SYCE3: variants seen among roughly 807,000 people sequenced by gnomAD.
SYCE3 encodes the protein synaptonemal complex central element protein 3, also known as testis highly expressed gene 2 protein.
A neutral mutation model predicts 8.1 loss-of-function variants in SYCE3; 3 were observed. That is an observed-to-expected ratio of 0.37 (90% CI 0.17 to 0.96). The LOEUF is 0.96. Ranked by LOEUF, SYCE3 falls within the 40% of genes least tolerant of loss-of-function variation. The pLI is 0.41. For synonymous variants in SYCE3, 36 were observed against 38.7 expected, an observed-to-expected ratio of 0.93 and a Z score of 0.26; for missense variants, 83 against 110.0, an observed-to-expected ratio of 0.75 and a Z score of 1.10.
At chr22:50,561,522 AGGAGC>A in intron 1 of SYCE3, among the ~76,000 whole-genome samples, 1 of 41,016 alleles carries the variant, frequency 2.4e-5, no homozygotes, top group South Asian at 9.0e-4. Context: ...GTGGGGCGGG[AGGAGC>A]GTGGGGCGGG....
chr22:50,559,262 G>C (rs2069890992), intron 1 of SYCE3, among the ~76,000 whole-genome samples: 1 of 152,072 alleles, frequency 6.6e-6, no homozygotes, highest in African/African-American at 2.4e-5. Context: ...AAGTAGCTGG[G>C]ATTACAGGTG....
intron 1 of SYCE3, among the ~76,000 whole-genome samples, chr22:50,556,968 T>TA (rs942486304): frequency 1.3e-5 from 2 of 152,016 alleles, no homozygotes; most frequent in Non-Finnish European, 2.9e-5. Context: ...ATTCATACAT[T>TA]AAAAAAAATT....
At chr22:50,557,157 G>GTTT (rs60714079) in intron 1 of SYCE3, among the ~76,000 whole-genome samples, 12 of 138,002 alleles carry the variant, frequency 8.7e-5, no homozygotes, top group Non-Finnish European at 1.2e-4. Context: ...ATTTTTTTGA[G>GTTT]TTTTTTTTTT....
chr22:50,559,382 C>A (rs2069892338), intron 1 of SYCE3, among the ~76,000 whole-genome samples: 2 of 152,122 alleles, frequency 1.3e-5, no homozygotes, highest in Admixed American at 6.5e-5. Context: ...CCTGCTTCGG[C>A]CTCCCAAGTC....
Position 50,556,415 on chromosome 22 carries a change from G to A in SYCE3, c.1-10C>T. On this transcript the variant is annotated splice_polypyrimidine_tract_variant and intron_variant, in intron 1 of 2. Coordinates refer to ENST00000406915, the MANE Select transcript of SYCE3 (RefSeq NM_001123225.3). Reference sequence around the variant, plus strand: ...GGTCAGCATCATCCATCTAGGCAATGCACAGAAAGAAGCTGCAGTCAGACA... The same window carrying A: ...GGTCAGCATCATCCATCTAGGCAATACACAGAAAGAAGCTGCAGTCAGACA... 1.3e-6 allele frequency: 2 copies of A among 1,540,792 alleles called. No individual in the cohort carries two copies. Among genetic ancestry groups the A allele is most frequent in the Non-Finnish European group, 1.8e-6 (2 of 1,138,208 alleles).
At chr22:50,561,563 C>A (rs1161838363) in intron 1 of SYCE3, among the ~76,000 whole-genome samples, 1 of 116,752 alleles carries the variant, frequency 8.6e-6, no homozygotes, top group Non-Finnish European at 1.8e-5. Context: ...GAGCGTGGGG[C>A]GGGAGTGTAG....
Position 50,551,293 on chromosome 22 carries a change from C to T in SYCE3, c.219G>A (p.Met73Ile), listed in dbSNP as rs757068744. 9 of 1,551,434 alleles carry T rather than the reference C, an allele frequency of 5.8e-6. No homozygotes were observed. Among genetic ancestry groups the T allele is most frequent in the Non-Finnish European group, 7.8e-6 (9 of 1,146,978 alleles). The change falls in exon 3 of 3, where the codon ATG becomes ATA. Residue 73 changes from methionine to isoleucine, a missense_variant. Met to Ile is a conservative substitution (Grantham distance 10). Transcript: ENST00000406915. Reference protein sequence around the residue: ...EDAFVNCKEEMEKNWQELLHE... With the variant: ...EDAFVNCKEEIEKNWQELLHE... ...GCAGCAGCTCTTGCCAGTTCTTCTCCATCTCCTCCTTGCAGTTGACGAAGG... is the reference window on the plus strand; with the variant it reads ...GCAGCAGCTCTTGCCAGTTCTTCTCTATCTCCTCCTTGCAGTTGACGAAGG...
In SYCE3 at chr22:50,556,278, T is replaced by C; in HGVS notation, c.109+19A>G. The C allele has an allele frequency of 6.6e-7, 1 of 1,516,066 alleles. No individual in the cohort carries two copies. 93.9% of individuals were successfully genotyped at this position (1,516,066 alleles called of 1,614,324 possible). On this transcript the variant is annotated intron_variant, in intron 2 of 2. Transcript: ENST00000406915. Reference sequence around the variant, plus strand: ...TGATTGAGACCTGTCTCAGATACTTTTGGGTTCACACATCCTACCTGAGAT... The same window carrying C: ...TGATTGAGACCTGTCTCAGATACTTCTGGGTTCACACATCCTACCTGAGAT...
Position 50,551,239 on chromosome 22 carries a change from T to C in SYCE3, c.*6A>G. On this transcript the variant is annotated 3_prime_UTR_variant, in exon 3 of 3. Coordinates refer to ENST00000406915, the MANE Select transcript of SYCE3 (RefSeq NM_001123225.3). ...TGGCATGGCAGCTGTGGTGGGCCAG[T>C]GGGGCCTACAGCCTTTGCTTGGTCT... The C allele has an allele frequency of 6.4e-7, 1 of 1,550,868 alleles. No homozygotes were observed. Among genetic ancestry groups the C allele is most frequent in the Non-Finnish European group, 8.7e-7 (1 of 1,146,600 alleles).
intron 2 of SYCE3, among the ~76,000 whole-genome samples, 199 bp downstream of exon 2, chr22:50,556,098 A>C (rs2069857939): frequency 6.6e-6 from 1 of 152,062 alleles, no homozygotes; most frequent in Non-Finnish European, 1.5e-5. Flanking sequence ...CGGCCGAACC[A>C]GTGTACATCT....
At chr22:50,557,317 C>T (rs775363834) in intron 1 of SYCE3, among the ~76,000 whole-genome samples, 5 of 151,938 alleles carry the variant, frequency 3.3e-5, no homozygotes, top group Admixed American at 3.3e-4. Flanking sequence ...CCACCACGCC[C>T]GGCTAATTTT....
At chr22:50,561,610 G>T (rs1404258701) in intron 1 of SYCE3, among the ~76,000 whole-genome samples, 4 of 150,074 alleles carry the variant, frequency 2.7e-5, no homozygotes, top group Non-Finnish European at 4.4e-5. Flanking sequence ...GTGAAGGACG[G>T]GGGTTGAGCG....
At position 50,551,284 on chromosome 22, in the gene SYCE3, G is replaced by C; in HGVS notation, c.228C>G (p.Asn76Lys). Residue 76 changes from asparagine (N) to lysine (K), a missense_variant, in exon 3 of 3, where the codon AAC (asparagine) becomes AAG (lysine). By Grantham distance (94) the Asn-to-Lys change is moderately conservative. Transcript: ENST00000406915. ...TGGTCTCATGCAGCAGCTCTTGCCA[G>C]TTCTTCTCCATCTCCTCCTTGCAGT... is the stretch of plus-strand genomic sequence containing the variant. Reference protein sequence around the residue: ...FVNCKEEMEKNWQELLHETKQ... With the variant: ...FVNCKEEMEKKWQELLHETKQ... 1 of 1,551,448 alleles carries C rather than the reference G, an allele frequency of 6.4e-7. No individual in the cohort carries two copies. The highest frequency in any genetic ancestry group is 8.7e-7 in the Non-Finnish European group (1 of 1,146,980).
At chr22:50,554,693 CA>C (rs35905749) in intron 2 of SYCE3, among the ~76,000 whole-genome samples, 1,835 of 78,492 alleles carry the variant, frequency 0.023, 54 homozygotes, top group African/African-American at 0.098. Context: ...GACTCCGTCT[CA>C]AAAAAAAAAA....
intron 1 of SYCE3, among the ~76,000 whole-genome samples, chr22:50,556,751 C>T (rs1303572908): frequency 2.6e-5 from 4 of 152,098 alleles, no homozygotes; most frequent in Non-Finnish European, 5.9e-5. Flanking sequence ...ATATTGAGTA[C>T]CCACTAAGAT....
intron 2 of SYCE3, 27 bp downstream of exon 2, chr22:50,556,270 A>G (rs2069859515): frequency 6.7e-7 from 1 of 1,482,014 alleles, no homozygotes; most frequent in African/African-American, 1.4e-5. Flanking sequence ...GACCTGTCTC[A>G]GATACTTTTG....
rs2069819970 is a variant in SYCE3 at position 50,552,517 on chromosome 22, G to C, written c.110-1115C>G. On this transcript the variant is annotated intron_variant, in intron 2 of 2. Transcript: ENST00000406915. ...TACTAAAAATATAAAAATTAGCCGG[G>C]TGTGGTGGTGGGTGCCTGTAGTCCC... Among the ~76,000 whole-genome samples the C allele has an allele frequency of 1.3e-5, 2 of 152,182 alleles. 1 individual carries two copies. Among genetic ancestry groups the C allele is most frequent in the Admixed American group, 1.3e-4 (2 of 15,280 alleles).
In SYCE3 at chr22:50,551,339, G is replaced by C; in HGVS notation, c.173C>G (p.Ser58Cys). ...VMRTNPTLAE[S>C]MRRLEDAFVN... Reference sequence around the variant, plus strand: ...GAAGGCATCCTCCAGCCGACGCATGGACTCGGCCAGCGTAGGGTTGGTGCG... The same window carrying C: ...GAAGGCATCCTCCAGCCGACGCATGCACTCGGCCAGCGTAGGGTTGGTGCG... Residue 58 changes from serine (S) to cysteine (C), a missense_variant, in exon 3 of 3, where the codon TCC becomes TGC. Coordinates refer to ENST00000406915, the MANE Select transcript of SYCE3 (RefSeq NM_001123225.3). 6.4e-7 allele frequency: 1 copy of C among 1,551,268 alleles called. No individual in the cohort carries two copies. The highest frequency in any genetic ancestry group is 8.7e-7 in the Non-Finnish European group (1 of 1,146,968).
chr22:50,561,502 T>G (rs1603442906), intron 1 of SYCE3, among the ~76,000 whole-genome samples: 1 of 48,818 alleles, frequency 2.0e-5, no homozygotes, highest in Non-Finnish European at 3.9e-5. Flanking sequence ...TTAGGATGGG[T>G]GGCGGAAGTG....
Sources: allele counts gnomAD v4.1 joint callset (sites outside exome capture counted in the v4.1 genomes callset), GRCh38; gene constraint gnomAD v4.1.1; transcripts MANE v1.5; gene names NCBI Gene and HGNC (gene_info 2026-07-23, HGNC 2026-07-21).